Variants in COL14A1 observed in about 807,000 individuals in gnomAD.
The protein encoded by COL14A1 is collagen alpha-1(XIV) chain.
A neutral mutation model predicts 230.3 loss-of-function variants in COL14A1; 136 were observed. The observed-to-expected ratio is 0.59, with a 90% CI of 0.51 to 0.68. The LOEUF (loss-of-function observed/expected upper bound fraction) is 0.68. Among genes scored for constraint, COL14A1 ranks in the 30% least tolerant of loss-of-function variants. The pLI is 0.00. For missense variants in COL14A1, 1,976 were observed against 2,215.8 expected, an observed-to-expected ratio of 0.89 and a Z score of 2.17; for synonymous variants, 792 against 784.1, an observed-to-expected ratio of 1.01 and a Z score of -0.17.
At chr8:120,139,342 C>T (rs377599378) in intron 1 of COL14A1, among the ~76,000 whole-genome samples, 10 of 152,104 alleles carry the variant, frequency 6.6e-5, no homozygotes, top group Non-Finnish European at 7.4e-5. Context: ...ATGAATTACT[C>T]GAGTCAGGTC....
At chr8:120,330,216 G>A (rs770345048) in intron 40 of COL14A1, among the ~76,000 whole-genome samples, 2 of 152,176 alleles carry the variant, frequency 1.3e-5, no homozygotes, top group African/African-American at 2.4e-5. Context: ...GTGAGCCCAC[G>A]CATCCCCTGC....
At chr8:120,193,134 GT>G (rs1217115329) in intron 5 of COL14A1, among the ~76,000 whole-genome samples, 2 of 152,132 alleles carry the variant, frequency 1.3e-5, no homozygotes, top group Non-Finnish European at 2.9e-5. Flanking sequence ...GCTTTTTAGA[GT>G]TTCCAGTTTT....
At chr8:120,312,502 A>C (rs1296446812) in intron 37 of COL14A1, among the ~76,000 whole-genome samples, 1 of 152,196 alleles carries the variant, frequency 6.6e-6, no homozygotes, top group East Asian at 1.9e-4. Context: ...CTCCGTCTTC[A>C]GCCTCTTCCT....
chr8:120,135,875 T>A (rs1417858769), intron 1 of COL14A1, among the ~76,000 whole-genome samples: 1 of 152,122 alleles, frequency 6.6e-6, no homozygotes, highest in Non-Finnish European at 1.5e-5. Flanking sequence ...GATGTCATTG[T>A]AAATAAATTT....
chr8:120,145,103 A>T (rs542804297), intron 1 of COL14A1, among the ~76,000 whole-genome samples: 1 of 152,336 alleles, frequency 6.6e-6, no homozygotes, highest in Non-Finnish European at 1.5e-5. Context: ...GTTTAAAAAA[A>T]TTTAAATAGC....
At chr8:120,290,869 T>C (rs1009270661) in intron 34 of COL14A1, among the ~76,000 whole-genome samples, 2 of 152,216 alleles carry the variant, frequency 1.3e-5, no homozygotes, top group African/African-American at 2.4e-5. Flanking sequence ...AGGGGGACAC[T>C]GAAGCTTTCA....
Position 120,168,425 on chromosome 8 carries a change from G to A in COL14A1, c.436+178G>A, listed in dbSNP as rs56122736. 0.22 allele frequency among the ~76,000 whole-genome samples: 32,850 copies of A among 151,942 alleles called. 5,364 individuals carry two copies. The highest frequency in any genetic ancestry group is 0.46 in the African/African-American group (18,931 of 41,406). ...ACACAAGATGACCCCCAACCACTTG[G>A]CACGTGACCTTTCAGGCACCTTTCT... On this transcript the variant is annotated intron_variant, in intron 5 of 47. Transcript: ENST00000297848.
chr8:120,234,325 C>A (rs1818372073), intron 19 of COL14A1, among the ~76,000 whole-genome samples: 1 of 152,088 alleles, frequency 6.6e-6, no homozygotes, highest in South Asian at 2.1e-4. Flanking sequence ...GCCTGATTGC[C>A]CTGGCCAGAA....
chr8:120,266,996 A>C, intron 25 of COL14A1, 113 bp downstream of exon 25: 1 of 900,278 alleles, frequency 1.1e-6, no homozygotes, highest in Non-Finnish European at 1.8e-6. Flanking sequence ...TGTGCTACCT[A>C]ATTTTCTCCT....
intron 8 of COL14A1, among the ~76,000 whole-genome samples, chr8:120,200,066 T>TATATATATATATATATATATATATATATA (rs1817184156): frequency 6.6e-6 from 1 of 151,252 alleles, no homozygotes; most frequent in African/African-American, 2.4e-5. Context: ...TATATATAGA[T>TATATATATATATATATATATATATATATA]AGCATACATT....
chr8:120,286,806 G>A (rs1344003048), intron 33 of COL14A1, among the ~76,000 whole-genome samples: 2 of 152,192 alleles, frequency 1.3e-5, no homozygotes, highest in Non-Finnish European at 2.9e-5. Flanking sequence ...ACCGCGCCTG[G>A]CCACTTGTCA....
chr8:120,324,689 C>T (rs561184677), intron 40 of COL14A1, among the ~76,000 whole-genome samples: 94 of 152,254 alleles, frequency 6.2e-4, no homozygotes, highest in East Asian at 3.9e-4. Context: ...GAGAGTGTAG[C>T]ATCAGTTGAA....
At chr8:120,177,657 A>G (rs1015252469) in intron 5 of COL14A1, among the ~76,000 whole-genome samples, 2 of 144,776 alleles carry the variant, frequency 1.4e-5, no homozygotes, top group African/African-American at 2.6e-5. Context: ...TGCTTCAAAA[A>G]AAAAAAAAAA....
chr8:120,318,647 G>A (rs1821322853), intron 40 of COL14A1, among the ~76,000 whole-genome samples: 1 of 152,122 alleles, frequency 6.6e-6, no homozygotes, highest in African/African-American at 2.4e-5. Flanking sequence ...GTTTGGCAGT[G>A]GGAGAGGAGG....
At position 120,247,671 on chromosome 8, in the gene COL14A1, C is replaced by T; in HGVS notation, c.2538C>T (p.Arg846=). The change falls in exon 21 of 48, where the codon CGC becomes CGT. Residue 846 remains arginine (R), a synonymous_variant. Transcript: ENST00000297848. ...RVSEEWYNRL[R]ITWDPPSSPV... ...CCGAGGAATGGTATAACCGGTTGCG[C>T]ATTACGTGGGACCCCCCATCTTCCC... The T allele has an allele frequency of 2.5e-6, 4 of 1,614,162 alleles. No homozygotes were observed. The highest frequency in any genetic ancestry group is 3.4e-6 in the Non-Finnish European group (4 of 1,180,040).
At chr8:120,222,452 A>G (rs763873338) in intron 14 of COL14A1, among the ~76,000 whole-genome samples, 15 of 152,156 alleles carry the variant, frequency 9.9e-5, no homozygotes, top group South Asian at 2.1e-4. Context: ...TCTTGCATTC[A>G]TCTGGGAGTC....
intron 32 of COL14A1, among the ~76,000 whole-genome samples, 188 bp downstream of exon 32, chr8:120,283,966 T>C (rs1481525863): frequency 1.3e-5 from 2 of 152,210 alleles, no homozygotes; most frequent in African/African-American, 4.8e-5. Flanking sequence ...CAAATATTTC[T>C]TGAGTTCCTA....
At chr8:120,341,826 AC>A (rs1170924244) in intron 43 of COL14A1, among the ~76,000 whole-genome samples, 1 of 152,136 alleles carries the variant, frequency 6.6e-6, no homozygotes, top group Non-Finnish European at 1.5e-5. Context: ...TGGCCCCCAA[AC>A]TGAAGTCAGC....
chr8:120,151,709 A>G (rs1815291474), intron 2 of COL14A1, among the ~76,000 whole-genome samples: 1 of 151,952 alleles, frequency 6.6e-6, no homozygotes, highest in African/African-American at 2.4e-5. Flanking sequence ...AGATATTCAC[A>G]TATAATCTTC....
Sources: allele counts gnomAD v4.1 joint callset (sites outside exome capture counted in the v4.1 genomes callset), GRCh38; gene constraint gnomAD v4.1.1; transcripts MANE v1.5; gene names NCBI Gene and HGNC (gene_info 2026-07-23, HGNC 2026-07-21).